Variants in RGS6 observed in about 807,000 individuals in gnomAD.
The protein encoded by RGS6 is regulator of G-protein signaling 6.
RGS6 carries 30 observed loss-of-function variants against 78.5 expected under a neutral mutation model. The ratio of observed to expected loss-of-function variants is 0.38; its 90% CI spans 0.29 to 0.52. The LOEUF (loss-of-function observed/expected upper bound fraction) is 0.52, where lower values mean the gene tolerates loss of function less well. Ranked by LOEUF, RGS6 falls within the 20% of genes least tolerant of loss-of-function variation. RGS6 has a pLI of 0.85. For synonymous variants in RGS6, 206 were observed against 206.0 expected (o/e 1.00, Z 0.00); for missense variants, 495 against 609.7 (o/e 0.81, Z 1.98).
chr14:72,473,608 G>A (rs1044921095), intron 9 of RGS6, among the ~76,000 whole-genome samples: 33 of 151,946 alleles, frequency 2.2e-4, no homozygotes, highest in Non-Finnish European at 2.8e-4. Context: ...ATTCTCTGTC[G>A]AATACGGTTA....
intron 2 of RGS6, among the ~76,000 whole-genome samples, chr14:72,339,125 T>C (rs1185470521): frequency 1.3e-5 from 2 of 152,076 alleles, no homozygotes; most frequent in Non-Finnish European, 2.9e-5. Context: ...ATCAGAATGT[T>C]GTGTCCCACC....
chr14:72,314,549 G>T (rs1328786626), intron 2 of RGS6, among the ~76,000 whole-genome samples: 1 of 148,992 alleles, frequency 6.7e-6, no homozygotes, highest in Non-Finnish European at 1.5e-5. Flanking sequence ...CTGGTTGGGG[G>T]AGACAGCTCT....
At chr14:72,342,293 T>C (rs890611349) in intron 2 of RGS6, among the ~76,000 whole-genome samples, 1 of 152,078 alleles carries the variant, frequency 6.6e-6, no homozygotes, top group African/African-American at 2.4e-5. Flanking sequence ...AGGCCAGGTG[T>C]GGTAGCTTAT....
At chr14:72,233,546 T>C (rs541955066) in intron 2 of RGS6, among the ~76,000 whole-genome samples, 1 of 152,338 alleles carries the variant, frequency 6.6e-6, no homozygotes, top group South Asian at 2.1e-4. Context: ...GAAATGTCAC[T>C]TACATTTAAA....
intron 2 of RGS6, among the ~76,000 whole-genome samples, chr14:72,169,305 T>C (rs2096976050): frequency 6.6e-6 from 1 of 152,206 alleles, no homozygotes; most frequent in Non-Finnish European, 1.5e-5. Flanking sequence ...TAGGGGTTAA[T>C]GTAAGCTCTG....
chr14:72,619,161 GT>G, the RGS6 span: 1 of 849,854 alleles, frequency 1.2e-6, no homozygotes, highest in Non-Finnish European at 1.8e-6. Context: ...CGTTCCATGT[GT>G]CCCTGCCCCT....
At chr14:72,129,856 C>T (rs1243809974) in intron 2 of RGS6, among the ~76,000 whole-genome samples, 1 of 152,190 alleles carries the variant, frequency 6.6e-6, no homozygotes, top group Non-Finnish European at 1.5e-5. Flanking sequence ...AGAAACCCCA[C>T]CTCATGATGA....
chr14:72,078,320 T>A (rs1328566031), intron 2 of RGS6, among the ~76,000 whole-genome samples: 1 of 152,186 alleles, frequency 6.6e-6, no homozygotes. Flanking sequence ...GAAGCCACCA[T>A]ACTTCCTGTA....
At chr14:72,265,481 T>C (rs2058883240) in intron 2 of RGS6, among the ~76,000 whole-genome samples, 1 of 151,902 alleles carries the variant, frequency 6.6e-6, no homozygotes, top group South Asian at 2.1e-4. Flanking sequence ...GGCTGTAGGG[T>C]TGTCGTGTTT....
chr14:71,946,786 G>T (rs754617304), intron 1 of RGS6, among the ~76,000 whole-genome samples: 4 of 152,142 alleles, frequency 2.6e-5, no homozygotes, highest in Admixed American at 6.5e-5. Context: ...AATGTGCAAA[G>T]AATATTTAAT....
At chr14:72,561,241 C>T (rs2097671822) in intron 17 of RGS6, among the ~76,000 whole-genome samples, 1 of 152,186 alleles carries the variant, frequency 6.6e-6, no homozygotes, top group Non-Finnish European at 1.5e-5. Flanking sequence ...CCTCACACCC[C>T]ACTTGGAAAT....
chr14:72,117,994 T>C (rs2095945457), intron 2 of RGS6, among the ~76,000 whole-genome samples: 1 of 152,146 alleles, frequency 6.6e-6, no homozygotes. Context: ...TCCAAAGTTA[T>C]CAACTAATAG....
At chr14:72,197,747 C>T (rs2040531414) in intron 2 of RGS6, among the ~76,000 whole-genome samples, 1 of 151,914 alleles carries the variant, frequency 6.6e-6, no homozygotes, top group South Asian at 2.1e-4. Context: ...CTGGTGTCCC[C>T]CTAAACTCAA....
chr14:72,001,471 AACACACACACACACACACACAC>A (rs3053057), intron 2 of RGS6, among the ~76,000 whole-genome samples: 3,951 of 146,096 alleles, frequency 0.027, 159 homozygotes, highest in African/African-American at 0.087. Context: ...ATAAAAACAG[AACACACACACACACACACACAC>A]ACACACACAC....
chr14:72,197,190 T>C (rs2040378877), intron 2 of RGS6, among the ~76,000 whole-genome samples: 1 of 152,164 alleles, frequency 6.6e-6, no homozygotes, highest in African/African-American at 2.4e-5. Flanking sequence ...CTCAGTCTCC[T>C]GAGTAGCTGG....
chr14:72,280,835 C>T (rs1475005095), intron 2 of RGS6, among the ~76,000 whole-genome samples: 1 of 152,200 alleles, frequency 6.6e-6, no homozygotes, highest in Non-Finnish European at 1.5e-5. Flanking sequence ...TCTTATATGA[C>T]TCCATATGCC....
At chr14:72,094,097 T>C (rs1176224909) in intron 2 of RGS6, among the ~76,000 whole-genome samples, 1 of 152,226 alleles carries the variant, frequency 6.6e-6, no homozygotes, top group Non-Finnish European at 1.5e-5. Context: ...TCTTGTATCA[T>C]AAATTACCTA....
intron 2 of RGS6, among the ~76,000 whole-genome samples, chr14:72,228,924 A>G (rs1424150567): frequency 6.6e-6 from 1 of 152,072 alleles, no homozygotes; most frequent in African/African-American, 2.4e-5. Context: ...GCAAGGCGGC[A>G]GGTGCCTGTA....
chr14:72,182,602 G>C (rs1229139409), intron 2 of RGS6, among the ~76,000 whole-genome samples: 2 of 152,160 alleles, frequency 1.3e-5, no homozygotes, highest in Admixed American at 6.5e-5. Context: ...CTGGGAAACT[G>C]CTGACAGTAA....
Sources: allele counts gnomAD v4.1 joint callset (sites outside exome capture counted in the v4.1 genomes callset), GRCh38; gene constraint gnomAD v4.1.1; transcripts MANE v1.5; gene names NCBI Gene and HGNC (gene_info 2026-07-23, HGNC 2026-07-21).